The following HECW1 variants were observed in gnomAD, a reference collection of about 807,000 sequenced individuals.
HECW1 encodes HECT, C2 and WW domain containing E3 ubiquitin protein ligase 1, also known as E3 ubiquitin-protein ligase HECW1.
Under a neutral mutation model 182.3 loss-of-function variants are expected in HECW1, and 61 were observed. The ratio of observed to expected loss-of-function variants is 0.33; its 90% CI spans 0.27 to 0.41. The LOEUF is 0.41. HECW1 is among the 10% of genes least tolerant of loss of function. The pLI is 1.00. For missense variants in HECW1, 1,739 were observed against 2,108.9 expected (o/e 0.82, Z 3.44); for synonymous variants, 859 against 832.6 (o/e 1.03, Z -0.55).
At chr7:43,183,710 G>A (rs1182842541) in intron 2 of HECW1, among the ~76,000 whole-genome samples, 1 of 152,096 alleles carries the variant, frequency 6.6e-6, no homozygotes. Flanking sequence ...TACAACTGAT[G>A]AACGAGTATA....
At chr7:43,487,511 C>A (rs2078691534) in intron 17 of HECW1, among the ~76,000 whole-genome samples, 1 of 152,238 alleles carries the variant, frequency 6.6e-6, no homozygotes, top group South Asian at 2.1e-4. Context: ...GGCTCTCTCT[C>A]CCCTCGCTCA....
chr7:43,158,482 A>T (rs1583741735), intron 2 of HECW1, among the ~76,000 whole-genome samples: 1 of 152,186 alleles, frequency 6.6e-6, no homozygotes, highest in African/African-American at 2.4e-5. Context: ...TCCTACAAGC[A>T]TTTTTTCATG....
At chr7:43,499,892 GA>G (rs1432105835) in intron 19 of HECW1, among the ~76,000 whole-genome samples, 6 of 152,202 alleles carry the variant, frequency 3.9e-5, no homozygotes, top group Admixed American at 3.9e-4. Context: ...AAAAGGATCA[GA>G]ATACACGAGT....
At chr7:43,410,460 G>C (rs929473429) in intron 8 of HECW1, among the ~76,000 whole-genome samples, 1 of 152,020 alleles carries the variant, frequency 6.6e-6, no homozygotes, top group African/African-American at 2.4e-5. Flanking sequence ...CATCACTTTG[G>C]GTGTTAGAGT....
chr7:43,273,165 A>G (rs78512374), intron 3 of HECW1, among the ~76,000 whole-genome samples: 1 of 152,168 alleles, frequency 6.6e-6, no homozygotes, highest in African/African-American at 2.4e-5. Context: ...ACTGGGTTCT[A>G]CTAGAAGGGG....
intron 2 of HECW1, among the ~76,000 whole-genome samples, chr7:43,194,678 G>T: frequency 6.6e-6 from 1 of 151,438 alleles, no homozygotes; most frequent in African/African-American, 2.4e-5. Flanking sequence ...AACAGAGGGG[G>T]AAGGAGATGC....
intron 8 of HECW1, among the ~76,000 whole-genome samples, chr7:43,428,986 G>T (rs567260967): frequency 2.9e-4 from 44 of 150,792 alleles, no homozygotes; most frequent in Admixed American, 1.6e-3. Context: ...ATACAAATAC[G>T]TACAGATATA....
Position 43,407,737 on chromosome 7 carries a change from T to C in HECW1, c.801+6T>C. 1.3e-6 allele frequency: 2 copies of C among 1,596,468 alleles called. No individual in the cohort carries two copies. The highest frequency in any genetic ancestry group is 1.7e-6 in the Non-Finnish European group (2 of 1,169,866). ...ACCCCATCTGGCAGGCCGAGGTGAG[T>C]GCTGTGGGCCCTGAAAAAAAGCCCA... On this transcript the variant is annotated splice_donor_region_variant and intron_variant, in intron 8 of 29. Coordinates refer to ENST00000395891, the MANE Select transcript of HECW1 (RefSeq NM_015052.5).
At chr7:43,528,149 C>T (rs1024971460) in intron 24 of HECW1, among the ~76,000 whole-genome samples, 9 of 152,112 alleles carry the variant, frequency 5.9e-5, no homozygotes, top group South Asian at 2.1e-4. Flanking sequence ...ATCGTTTTTG[C>T]GACTTGTAGA....
chr7:43,274,187 A>G (rs1802789893), intron 3 of HECW1: 2 of 501,958 alleles, frequency 4.0e-6, no homozygotes, highest in African/African-American at 2.0e-5. Flanking sequence ...CTAAAAGAGT[A>G]CAAGGTGGTG....
chr7:43,383,282 C>T (rs187408182), intron 6 of HECW1, among the ~76,000 whole-genome samples: 26 of 152,272 alleles, frequency 1.7e-4, no homozygotes, highest in African/African-American at 6.0e-4. Context: ...ATTTATGATC[C>T]TTTGGGTATA....
At chr7:43,364,360 C>T (rs941829503) in intron 6 of HECW1, among the ~76,000 whole-genome samples, 4 of 152,186 alleles carry the variant, frequency 2.6e-5, no homozygotes, top group African/African-American at 9.7e-5. Flanking sequence ...TTCTGGGGCT[C>T]TCATTTATTG....
intron 6 of HECW1, among the ~76,000 whole-genome samples, chr7:43,387,575 G>A (rs978502606): frequency 1.1e-4 from 17 of 152,198 alleles, no homozygotes; most frequent in African/African-American, 3.9e-4. Context: ...ATTTACATAG[G>A]AAGCCTTTTT....
chr7:43,211,221 C>T (rs988980886), intron 2 of HECW1, among the ~76,000 whole-genome samples: 1 of 152,174 alleles, frequency 6.6e-6, no homozygotes, highest in African/African-American at 2.4e-5. Flanking sequence ...GGAAATCCAG[C>T]TAGTCCTGTC....
At chr7:43,116,406 C>G (rs533025469) in intron 2 of HECW1, among the ~76,000 whole-genome samples, 2 of 152,334 alleles carry the variant, frequency 1.3e-5, no homozygotes, top group East Asian at 3.9e-4. Context: ...AGTCCTGGTT[C>G]TATCAACCAG....
intron 24 of HECW1, among the ~76,000 whole-genome samples, chr7:43,529,403 A>G (rs2080890889): frequency 6.6e-6 from 1 of 152,160 alleles, no homozygotes; most frequent in Admixed American, 6.5e-5. Flanking sequence ...ATTCCATGCC[A>G]GGGTAGTTTT....
In HECW1 at chr7:43,311,848, C is replaced by T. The variant is rs1462135033; in HGVS notation, c.113C>T (p.Pro38Leu). Reference sequence around the variant, plus strand: ...CAGAGCCGACGCCGGTGCAAGGAGCCGCTCCGATACAGCTACAACCCCGAC... The same window carrying T: ...CAGAGCCGACGCCGGTGCAAGGAGCTGCTCCGATACAGCTACAACCCCGAC... ...NSQSRRRCKEPLRYSYNPDQF... is the reference protein window; with the variant it reads ...NSQSRRRCKELLRYSYNPDQF... The change falls in exon 4 of 30, where the codon CCG (proline) becomes CTG (leucine). Residue 38 changes from proline to leucine, a missense_variant. Physicochemically the swap from Pro to Leu is moderately conservative, Grantham distance 98. Transcript: ENST00000395891. 5 of 1,614,088 alleles carry T rather than the reference C, an allele frequency of 3.1e-6. No homozygotes were observed. The highest frequency in any genetic ancestry group is 2.2e-5 in the East Asian group (1 of 44,892).
chr7:43,496,563 G>A (rs1430475998), intron 19 of HECW1, among the ~76,000 whole-genome samples: 1 of 152,154 alleles, frequency 6.6e-6, no homozygotes, highest in African/African-American at 2.4e-5. Context: ...GATCCACTTT[G>A]AAGGTTCAGG....
chr7:43,475,582 G>A (rs562485618), intron 16 of HECW1, among the ~76,000 whole-genome samples: 2 of 151,976 alleles, frequency 1.3e-5, no homozygotes, highest in African/African-American at 2.4e-5. Flanking sequence ...ACTGGGTCTC[G>A]CTCTGTGTCC....
Sources: gnomAD v4.1 joint callset for allele counts (sites outside exome capture counted in the v4.1 genomes callset) on GRCh38, gnomAD v4.1.1 for gene constraint, MANE v1.5 for transcripts, NCBI Gene and HGNC (gene_info 2026-07-23, HGNC 2026-07-21) for gene names.